Variants in CAMK2A observed in about 807,000 individuals in gnomAD.
CAMK2A encodes the protein calcium/calmodulin dependent protein kinase II alpha.
CAMK2A carries 7 observed loss-of-function variants against 79.2 expected under a neutral mutation model. The ratio of observed to expected loss-of-function variants is 0.09; its 90% confidence interval spans 0.05 to 0.17. CAMK2A has a LOEUF of 0.17. Ranked by LOEUF, CAMK2A falls within the 10% of genes least tolerant of loss-of-function variation. CAMK2A has a pLI of 1.00. For synonymous variants in CAMK2A, 242 were observed against 251.7 expected (o/e 0.96, Z 0.36); for missense variants, 214 against 646.4 (o/e 0.33, Z 7.25).
intron 1 of CAMK2A, among the ~76,000 whole-genome samples, chr5:150,283,848 A>T (rs2150311007): frequency 6.6e-6 from 1 of 152,296 alleles, no homozygotes; most frequent in East Asian, 1.9e-4. Flanking sequence ...TGTTGAAAGG[A>T]TGCAAGGATT....
At chr5:150,255,099 C>A (rs75154515) in intron 6 of CAMK2A, among the ~76,000 whole-genome samples, 4,174 of 152,308 alleles carry the variant, frequency 0.027, 201 homozygotes, top group African/African-American at 0.095. Context: ...TCTCGGTAAC[C>A]GTCCTGCCCT....
chr5:150,285,242 C>T (rs1480528480), intron 1 of CAMK2A, among the ~76,000 whole-genome samples: 3 of 152,212 alleles, frequency 2.0e-5, no homozygotes, highest in Non-Finnish European at 4.4e-5. Flanking sequence ...CTCTCCACCT[C>T]CTCAAGCTGC....
At chr5:150,264,573 C>G (rs140631952) in intron 3 of CAMK2A, among the ~76,000 whole-genome samples, 2,622 of 152,254 alleles carry the variant, frequency 0.017, 79 homozygotes, top group African/African-American at 0.06. Flanking sequence ...GCCAGGTCGA[C>G]GGAGGAGGGC....
At chr5:150,241,979 C>T (rs564363339) in intron 13 of CAMK2A, among the ~76,000 whole-genome samples, 2 of 152,250 alleles carry the variant, frequency 1.3e-5, no homozygotes, top group Admixed American at 6.5e-5. Context: ...AGGCGGGACA[C>T]GAGGAGGAAA....
chr5:150,286,010 C>T (rs190788543), intron 1 of CAMK2A, among the ~76,000 whole-genome samples: 1 of 152,310 alleles, frequency 6.6e-6, no homozygotes, highest in Non-Finnish European at 1.5e-5. Flanking sequence ...GCATTCTTCC[C>T]TTTCTCAGAG....
chr5:150,269,652 C>T (rs1756654404), intron 2 of CAMK2A, among the ~76,000 whole-genome samples: 1 of 152,150 alleles, frequency 6.6e-6, no homozygotes. Flanking sequence ...CCAAACCCAG[C>T]CCCATTCTAA....
intron 3 of CAMK2A, among the ~76,000 whole-genome samples, chr5:150,262,436 C>T (rs1164245535): frequency 1.3e-5 from 2 of 152,168 alleles, no homozygotes; most frequent in African/African-American, 4.8e-5. Flanking sequence ...CCTTCCAGCC[C>T]TGACAGCAGC....
intron 13 of CAMK2A, among the ~76,000 whole-genome samples, chr5:150,244,379 G>A (rs2114051898): frequency 6.6e-6 from 1 of 152,382 alleles, no homozygotes; most frequent in Non-Finnish European, 1.5e-5. Context: ...ACCTTCCAAT[G>A]TCCTGGGCAC....
chr5:150,277,451 G>T (rs923397848), intron 1 of CAMK2A, among the ~76,000 whole-genome samples: 2 of 152,210 alleles, frequency 1.3e-5, no homozygotes, highest in African/African-American at 2.4e-5. Context: ...GGCCTGACAG[G>T]CCCCATGAGC....
In CAMK2A at chr5:150,256,869, C is replaced by CAGCACCTGTCGCCTCTATTA; in HGVS notation, c.273-39_273-38insTAATAGAGGCGACAGGTGCT. The CAGCACCTGTCGCCTCTATTA allele has an allele frequency of 6.4e-7, 1 of 1,561,264 alleles. No individual in the cohort carries two copies. Among genetic ancestry groups the CAGCACCTGTCGCCTCTATTA allele is most frequent in the Non-Finnish European group, 8.8e-7 (1 of 1,136,758 alleles). On this transcript the variant is annotated intron_variant, in intron 4 of 18. Transcript: ENST00000671881. The surrounding 1 kb of genome is among the most constrained non-coding windows in gnomAD (Gnocchi z 4.6). ...GCATGGAATCACCCTCTAATAGAGG[C>CAGCACCTGTCGCCTCTATTA]GACAGGTGCTGCCTCATCTGGAGGA...
rs377568593 is a variant in CAMK2A at position 150,250,671 on chromosome 5, T to C, written c.816+17A>G. 1.2e-5 allele frequency: 19 copies of C among 1,613,530 alleles called. No homozygotes were observed. The highest frequency in any genetic ancestry group is 1.4e-5 in the Non-Finnish European group (17 of 1,179,752). ...CTGGAGGGGCTCCTGGGAGAAGTCC[T>C]GCTGAGGAAGGCTCACCGAGATCCA... On this transcript the variant is annotated intron_variant, in intron 10 of 18. Coordinates refer to ENST00000671881, the MANE Select transcript of CAMK2A (RefSeq NM_015981.4).
intron 2 of CAMK2A, among the ~76,000 whole-genome samples, chr5:150,271,354 C>G (rs116218836): frequency 0.013 from 1,962 of 152,258 alleles, 49 homozygotes; most frequent in African/African-American, 0.045. Context: ...AAGACACTGG[C>G]GGGAGGTCGG....
intron 1 of CAMK2A, among the ~76,000 whole-genome samples, chr5:150,282,607 C>T (rs1292565697): frequency 6.6e-6 from 1 of 152,238 alleles, no homozygotes; most frequent in East Asian, 1.9e-4. Context: ...GTCCAGTTCT[C>T]ATGTGTCACT....
chr5:150,239,614 C>G, intron 14 of CAMK2A, 90 bp downstream of exon 14: 1 of 1,237,062 alleles, frequency 8.1e-7, no homozygotes, highest in Non-Finnish European at 1.2e-6. Context: ...TCTCCCCGCC[C>G]CAGGTTCCCA....
chr5:150,249,951 C>G (rs1330183188), intron 11 of CAMK2A, among the ~76,000 whole-genome samples: 5 of 152,202 alleles, frequency 3.3e-5, no homozygotes. Flanking sequence ...TGTCCTGCTG[C>G]ATTCTGCCAC....
At chr5:150,226,824 G>A (rs1194079592) in intron 17 of CAMK2A, among the ~76,000 whole-genome samples, 1 of 147,370 alleles carries the variant, frequency 6.8e-6, no homozygotes, top group Non-Finnish European at 1.5e-5. Flanking sequence ...TTTTTGTGGA[G>A]ATTGAATCTT....
chr5:150,233,969 C>T lies in CAMK2A; in HGVS notation c.1067-2589G>A, dbSNP rs149490907. ...CTGGGATTACAGGCATGCACCACCA[C>T]GCCCAGCTAATTTTTGTATTTGTAG... is the stretch of plus-strand genomic sequence containing the variant. On this transcript the variant is annotated intron_variant, in intron 15 of 18. Coordinates refer to ENST00000671881, the MANE Select transcript of CAMK2A (RefSeq NM_015981.4). 3.9e-3 allele frequency among the ~76,000 whole-genome samples: 587 copies of T among 152,246 alleles called. 1 individual carries two copies. Among genetic ancestry groups the T allele is most frequent in the African/African-American group, 0.013 (523 of 41,550 alleles).
At chr5:150,261,280 C>T (rs1478683641) in intron 3 of CAMK2A, among the ~76,000 whole-genome samples, 2 of 152,158 alleles carry the variant, frequency 1.3e-5, no homozygotes, top group African/African-American at 2.4e-5. Flanking sequence ...GGCTTCAGTC[C>T]CTGAGGTCGA....
intron 3 of CAMK2A, among the ~76,000 whole-genome samples, chr5:150,258,174 T>G (rs1341694376): frequency 6.6e-6 from 1 of 152,232 alleles, no homozygotes; most frequent in Non-Finnish European, 1.5e-5. Context: ...AAAGGGTCCC[T>G]GCGTTCTGGC....
Sources: gnomAD v4.1 joint callset for allele counts (sites outside exome capture counted in the v4.1 genomes callset) on GRCh38, gnomAD v4.1.1 for gene constraint, Gnocchi (gnomAD v3.1) non-coding constraint, MANE v1.5 for transcripts, NCBI Gene and HGNC (gene_info 2026-07-23, HGNC 2026-07-21) for gene names.